ZNF445: variants seen among roughly 807,000 people sequenced by gnomAD.
ZNF445 encodes the protein zinc finger protein 445, also known as zinc finger protein 168.
In ZNF445, 19 loss-of-function variants were observed where a neutral mutation model predicts 93.9. That is an observed-to-expected ratio of 0.20 (90% CI 0.14 to 0.30). ZNF445 has a LOEUF of 0.30. Ranked by LOEUF, ZNF445 falls within the 10% of genes least tolerant of loss-of-function variation. The pLI is 1.00. For missense variants in ZNF445, 1,058 were observed against 1,259.4 expected (o/e 0.84, Z 2.42); for synonymous variants, 449 against 446.3 (o/e 1.01, Z -0.08).
chr3:44,474,943 T>C (rs990852042), intron 1 of ZNF445, among the ~76,000 whole-genome samples: 1 of 151,682 alleles, frequency 6.6e-6, no homozygotes, highest in Non-Finnish European at 1.5e-5. Flanking sequence ...ACTAAAAATA[T>C]GAAAATTAGC....
chr3:44,454,982 C>T (rs1371888224), intron 3 of ZNF445, 139 bp downstream of exon 3: 29 of 1,078,264 alleles, frequency 2.7e-5, no homozygotes, highest in Non-Finnish European at 3.5e-5. Flanking sequence ...TTCTCAGCTG[C>T]TCAGGTACCA....
chr3:44,458,638 G>A (rs972859507), intron 1 of ZNF445, among the ~76,000 whole-genome samples: 5 of 152,076 alleles, frequency 3.3e-5, no homozygotes, highest in Non-Finnish European at 5.9e-5. Context: ...ATATTGGTGC[G>A]TTTTAGGCCT....
At chr3:44,451,227 T>A in intron 4 of ZNF445, 87 bp downstream of exon 4, 2 of 1,485,436 alleles carry the variant, frequency 1.3e-6, no homozygotes, top group South Asian at 1.2e-5. Flanking sequence ...GAGATTCTCA[T>A]GAGAGGACAG....
chr3:44,474,261 T>A (rs1698311766), intron 1 of ZNF445, among the ~76,000 whole-genome samples: 1 of 152,176 alleles, frequency 6.6e-6, no homozygotes, highest in Non-Finnish European at 1.5e-5. Context: ...ATGCCTGTAA[T>A]CCTCGCACTC....
In ZNF445 at chr3:44,447,390, GCTC is replaced by G; in HGVS notation, c.2278_2280del (p.Glu760del). The G allele has an allele frequency of 1.9e-6, 3 of 1,614,194 alleles. No homozygotes were observed. Among genetic ancestry groups the G allele is most frequent in the Non-Finnish European group, 2.5e-6 (3 of 1,180,036 alleles). ...TTGCCACACTGGCTGCATTTGTAGG[GCTC>G]CTCTTTGGAGTGACTGCTCTGAGGA... On this transcript the variant is annotated inframe_deletion, in exon 8 of 8. Transcript: ENST00000396077. The surrounding 1 kb of genome is among the most constrained non-coding windows in gnomAD (Gnocchi z 4.7).
intron 1 of ZNF445, among the ~76,000 whole-genome samples, chr3:44,462,925 T>C (rs559533800): frequency 2.0e-3 from 308 of 152,222 alleles, no homozygotes; most frequent in African/African-American, 7.1e-3. Flanking sequence ...TGTAGGTATA[T>C]TTAAAAGGCC....
rs1458326917 is a variant in ZNF445 at position 44,441,461 on chromosome 3, G to T, written c.*5114C>A. ...AACCTCCTGGGAATGCAGCCCAGTAGGTCTCAGCCTTATTTTACCCAGTTC... is the reference window on the plus strand; with the variant it reads ...AACCTCCTGGGAATGCAGCCCAGTATGTCTCAGCCTTATTTTACCCAGTTC... On this transcript the variant is annotated 3_prime_UTR_variant, in exon 8 of 8. Transcript: ENST00000396077. 2 of 152,148 alleles carry T rather than the reference G, an allele frequency of 1.3e-5. No homozygotes were observed. The highest frequency in any genetic ancestry group is 2.4e-5 in the African/African-American group (1 of 41,402). The allele number at this position is 152,148 out of a possible 1,614,324, so 9.4% of individuals were successfully genotyped here. A position where few individuals can be genotyped will look rare whatever the true frequency, so the allele number is the denominator to read the frequency against.
In ZNF445 at chr3:44,434,380, T is replaced by G. The variant is rs563157356; in HGVS notation, c.*12195A>C. ...GAGCCAAGATTGCCTCCACTCCAGC[T>G]CGAGCTACAGAGTGAGACTCTGTCT... On this transcript the variant is annotated 3_prime_UTR_variant, in exon 8 of 8. Transcript: ENST00000396077. 4.6e-5 allele frequency: 7 copies of G among 151,484 alleles called. No individual in the cohort carries two copies. The highest frequency in any genetic ancestry group is 7.4e-5 in the Non-Finnish European group (5 of 67,916). 9.4% of individuals were successfully genotyped at this position (151,484 alleles called of 1,614,324 possible).
In ZNF445 at chr3:44,475,576, T is replaced by C. The variant is rs200480567; in HGVS notation, c.-269+2015A>G. Among the ~76,000 whole-genome samples the C allele has an allele frequency of 2.0e-4, 30 of 152,324 alleles. No individual in the cohort carries two copies. In the East Asian group the frequency reaches 5.8e-3, roughly 29 times the overall value. On this transcript the variant is annotated intron_variant, in intron 1 of 7. Coordinates refer to ENST00000396077, the MANE Select transcript of ZNF445 (RefSeq NM_181489.6). ...ATACTGTCAATTTTTATCTACCAATTTGGATTCCTTCTTTCATTAATTTGT... is the reference window on the plus strand; with the variant it reads ...ATACTGTCAATTTTTATCTACCAATCTGGATTCCTTCTTTCATTAATTTGT...
rs141680940 is a variant in ZNF445 at position 44,448,499 on chromosome 3, G to A, written c.1172C>T (p.Ser391Leu). The A allele has an allele frequency of 1.9e-6, 3 of 1,613,528 alleles. No homozygotes were observed. In the African/African-American group the frequency reaches 4.0e-5, roughly 22 times the overall value. The change falls in exon 8 of 8, where the codon TCA (serine) becomes TTA (leucine). Residue 391 changes from serine (S) to leucine (L), a missense_variant. By Grantham distance (145) the Ser-to-Leu change is moderately radical. This residue lies in a region of ZNF445 where 657 missense variants were observed against 746.4 expected (regional missense o/e 0.88). Coordinates refer to ENST00000396077, the MANE Select transcript of ZNF445 (RefSeq NM_181489.6). ...TTTTAAGTCAAGACTATTACTTCCTGATACTTCAGAGTCTTTTCCTGTCCT... is the reference window on the plus strand; with the variant it reads ...TTTTAAGTCAAGACTATTACTTCCTAATACTTCAGAGTCTTTTCCTGTCCT... ...SHRTGKDSEVSGSNSLDLKHV... is the reference protein window; with the variant it reads ...SHRTGKDSEVLGSNSLDLKHV...
chr3:44,466,925 C>A (rs2125684612), intron 1 of ZNF445, among the ~76,000 whole-genome samples: 1 of 152,182 alleles, frequency 6.6e-6, no homozygotes, highest in South Asian at 2.1e-4. Context: ...CAGAAGTAAC[C>A]AAAATTCCTA....
rs1395925451 is a variant in ZNF445, at chr3:44,448,308, T to C, written c.1363A>G (p.Lys455Glu). The C allele has an allele frequency of 6.2e-7, 1 of 1,614,210 alleles. No homozygotes were observed. The highest frequency in any genetic ancestry group is 1.1e-5 in the South Asian group (1 of 91,084). Residue 455 changes from lysine (K) to glutamate (E), a missense_variant, in exon 8 of 8, where the codon AAA (lysine) becomes GAA (glutamate). Coordinates refer to ENST00000396077, the MANE Select transcript of ZNF445 (RefSeq NM_181489.6). Reference sequence around the variant, plus strand: ...CCACACACGTCCTTTTTGTTCCCTTTCAGTCCACTATGAATTCTCTGATGT... The same window carrying C: ...CCACACACGTCCTTTTTGTTCCCTTCCAGTCCACTATGAATTCTCTGATGT... ...SLHQRIHSGL[K>E]GNKKDVCGKD...
rs1327524257 is a variant in ZNF445 at position 44,447,089 on chromosome 3, A to G, written c.2582T>C (p.Ile861Thr). The G allele has an allele frequency of 6.2e-7, 1 of 1,614,088 alleles. No individual in the cohort carries two copies. Among genetic ancestry groups the G allele is most frequent in the Admixed American group, 1.7e-5 (1 of 60,002 alleles). Residue 861 changes from isoleucine (I) to threonine (T), a missense_variant, in exon 8 of 8, where the codon ATA becomes ACA. By Grantham distance (89) the Ile-to-Thr change is moderately conservative (BLOSUM62 -1). This residue lies in a region of ZNF445 where 387 missense variants were observed against 475.7 expected (regional missense o/e 0.81). Coordinates refer to ENST00000396077, the MANE Select transcript of ZNF445 (RefSeq NM_181489.6). The surrounding 1 kb of genome is among the most constrained non-coding windows in gnomAD (Gnocchi z 4.7). ...RKRTLLDHKG[I>T]HSGEKRYKCN... is the part of the protein sequence containing the mutation. The stretch of plus-strand genomic sequence containing the variant: ...TTTATAGCGCTTCTCTCCACTGTGT[A>G]TTCCCTTATGATCTAAAAGGGTTCT...
chr3:44,431,875 T>C lies in ZNF445; in HGVS notation c.*14700A>G, dbSNP rs894271211. ...GGTGAAAACAACCACAGACAATATG[T>C]AAATGAATGAATATATCTGAAGATT... On this transcript the variant is annotated 3_prime_UTR_variant, in exon 8 of 8. Transcript: ENST00000396077. The C allele has an allele frequency of 1.3e-5, 2 of 152,220 alleles. No homozygotes were observed. The highest frequency in any genetic ancestry group is 6.5e-5 in the Admixed American group (1 of 15,276). 9.4% of individuals were successfully genotyped at this position (152,220 alleles called of 1,614,324 possible). A position where few individuals can be genotyped will look rare whatever the true frequency, so the allele number is the denominator to read the frequency against.
chr3:44,449,357 TG>T (rs1281574369), intron 7 of ZNF445, among the ~76,000 whole-genome samples, 155 bp downstream of exon 7: 1 of 151,982 alleles, frequency 6.6e-6, no homozygotes, highest in Non-Finnish European at 1.5e-5. Context: ...CCAGCCAGGA[TG>T]GAAGAGACCC....
Position 44,439,067 on chromosome 3 carries a change from T to C in ZNF445, c.*7508A>G, listed in dbSNP as rs1235728598. On this transcript the variant is annotated 3_prime_UTR_variant, in exon 8 of 8. Transcript: ENST00000396077. ...GGCTCACACCTGTAATCCCAGCACTTTGGCAAGCTGAGGCAGGTGGGTCAC... is the reference window on the plus strand; with the variant it reads ...GGCTCACACCTGTAATCCCAGCACTCTGGCAAGCTGAGGCAGGTGGGTCAC... 1 of 151,148 alleles carries C rather than the reference T, an allele frequency of 6.6e-6. No homozygotes were observed. Among genetic ancestry groups the C allele is most frequent in the African/African-American group, 2.4e-5 (1 of 41,104 alleles). The allele number at this position is 151,148 out of a possible 1,614,324, so 9.4% of individuals were successfully genotyped here. A position where few individuals can be genotyped will look rare whatever the true frequency, so the allele number is the denominator to read the frequency against.
chr3:44,475,260 G>T (rs556510661), intron 1 of ZNF445, among the ~76,000 whole-genome samples: 1 of 152,010 alleles, frequency 6.6e-6, no homozygotes, highest in East Asian at 1.9e-4. Flanking sequence ...GTACGATGGC[G>T]TGACCTCCAC....
chr3:44,447,410 C>T lies in ZNF445; in HGVS notation c.2261G>A (p.Ser754Asn). 1 of 1,614,210 alleles carries T rather than the reference C, an allele frequency of 6.2e-7. No individual in the cohort carries two copies. Among genetic ancestry groups the T allele is most frequent in the African/African-American group, 1.3e-5 (1 of 75,060 alleles). The change falls in exon 8 of 8, where the codon AGC becomes AAC. Residue 754 changes from serine (S) to asparagine (N), a missense_variant. By Grantham distance (46) the Ser-to-Asn change is conservative (BLOSUM62 1). This residue lies in a region of ZNF445 where 387 missense variants were observed against 475.7 expected (regional missense o/e 0.81). Coordinates refer to ENST00000396077, the MANE Select transcript of ZNF445 (RefSeq NM_181489.6). The surrounding 1 kb of genome is among the most constrained non-coding windows in gnomAD (Gnocchi z 4.7). ...SQDTVFQVPQ[S>N]SHSKEEPYKC... ...GTAGGGCTCCTCTTTGGAGTGACTGCTCTGAGGAACCTGGAACACTGTGTC... is the reference window on the plus strand; with the variant it reads ...GTAGGGCTCCTCTTTGGAGTGACTGTTCTGAGGAACCTGGAACACTGTGTC...
chr3:44,434,077 C>T lies in ZNF445; in HGVS notation c.*12498G>A, dbSNP rs1287439562. On this transcript the variant is annotated 3_prime_UTR_variant, in exon 8 of 8. Coordinates refer to ENST00000396077, the MANE Select transcript of ZNF445 (RefSeq NM_181489.6). ...TTCAGAAAATCACATACAAAATTGT[C>T]TCGTGTCCCTTTTAAACATATAGAA... 2.6e-5 allele frequency: 4 copies of T among 152,048 alleles called. No individual in the cohort carries two copies. Among genetic ancestry groups the T allele is most frequent in the Non-Finnish European group, 5.9e-5 (4 of 68,010 alleles). The allele number at this position is 152,048 out of a possible 1,614,324, so 9.4% of individuals were successfully genotyped here.
Sources: allele counts gnomAD v4.1 joint callset (sites outside exome capture counted in the v4.1 genomes callset), GRCh38; gene constraint gnomAD v4.1.1; regional missense constraint gnomAD v4.1.1; non-coding constraint Gnocchi (gnomAD v3.1); transcripts MANE v1.5; gene names NCBI Gene and HGNC (gene_info 2026-07-23, HGNC 2026-07-21).